The following GALNT13 variants were observed in gnomAD, a reference collection of about 807,000 sequenced individuals.
GALNT13 encodes polypeptide N-acetylgalactosaminyltransferase 13.
A neutral mutation model predicts 64.2 loss-of-function variants in GALNT13; 28 were observed. That is an observed-to-expected ratio of 0.44 (90% CI 0.32 to 0.60). The LOEUF is 0.60. GALNT13 is among the 20% of genes least tolerant of loss of function. The pLI, the probability that GALNT13 is intolerant of heterozygous loss-of-function variation, is 0.05. For missense variants in GALNT13, 577 were observed against 669.8 expected, an observed-to-expected ratio of 0.86 and a Z score of 1.53; for synonymous variants, 214 against 224.6, an observed-to-expected ratio of 0.95 and a Z score of 0.42.
chr2:153,559,489 T>A, the GALNT13 span, among the ~76,000 whole-genome samples: 1 of 152,114 alleles, frequency 6.6e-6, no homozygotes, highest in Non-Finnish European at 1.5e-5. Flanking sequence ...ATAATTATAG[T>A]AATGTATATA....
the GALNT13 span, among the ~76,000 whole-genome samples, chr2:153,681,986 G>C: frequency 6.6e-6 from 1 of 151,672 alleles, no homozygotes; most frequent in Non-Finnish European, 1.5e-5. Context: ...AGCATAGATG[G>C]TGTGAATCTT....
At chr2:153,583,552 G>A in the GALNT13 span, among the ~76,000 whole-genome samples, 4 of 152,178 alleles carry the variant, frequency 2.6e-5, no homozygotes, top group South Asian at 8.3e-4. Flanking sequence ...GGGAGAGGGT[G>A]AATGAATGCC....
intron 3 of GALNT13, among the ~76,000 whole-genome samples, chr2:153,976,280 A>G (rs1249412386): frequency 6.6e-6 from 1 of 152,074 alleles, no homozygotes; most frequent in South Asian, 2.1e-4. Flanking sequence ...TAATTAATCA[A>G]TCTGCTTTAC....
the GALNT13 span, among the ~76,000 whole-genome samples, chr2:153,844,133 C>G: frequency 1.3e-5 from 2 of 152,290 alleles, no homozygotes; most frequent in South Asian, 4.1e-4. Context: ...GGGCTCCAAT[C>G]CCACATGTCC....
At chr2:153,305,074 A>G in the GALNT13 span, among the ~76,000 whole-genome samples, 4 of 152,162 alleles carry the variant, frequency 2.6e-5, no homozygotes, top group Middle Eastern at 6.3e-3. Flanking sequence ...GCATTCAAAA[A>G]TATATTTGTT....
the GALNT13 span, among the ~76,000 whole-genome samples, chr2:153,449,182 G>T: frequency 6.6e-6 from 1 of 152,206 alleles, no homozygotes; most frequent in Non-Finnish European, 1.5e-5. Flanking sequence ...CTTGATCTTG[G>T]ACTTCTAGCC....
chr2:153,081,539 A>G, the GALNT13 span, among the ~76,000 whole-genome samples: 1 of 152,110 alleles, frequency 6.6e-6, no homozygotes, highest in African/African-American at 2.4e-5. Flanking sequence ...AGCTTCTGGT[A>G]ACCATCCTTC....
chr2:153,994,521 A>G (rs888606076), intron 3 of GALNT13, among the ~76,000 whole-genome samples: 2 of 152,190 alleles, frequency 1.3e-5, no homozygotes, highest in East Asian at 3.9e-4. Context: ...GAACTAGTTT[A>G]CAGTCCCACC....
chr2:153,570,685 T>G, the GALNT13 span, among the ~76,000 whole-genome samples: 1 of 152,174 alleles, frequency 6.6e-6, no homozygotes, highest in African/African-American at 2.4e-5. Context: ...GGATATCTAG[T>G]TTCCCCAGCA....
intron 9 of GALNT13, among the ~76,000 whole-genome samples, chr2:154,347,830 C>A (rs1696156967): frequency 6.6e-6 from 1 of 152,120 alleles, no homozygotes; most frequent in Admixed American, 6.6e-5. Flanking sequence ...CTATGAGGGA[C>A]TAAGTAACAT....
At chr2:154,306,990 TA>T (rs961136990) in intron 9 of GALNT13, among the ~76,000 whole-genome samples, 7 of 148,502 alleles carry the variant, frequency 4.7e-5, no homozygotes, top group South Asian at 2.1e-4. Flanking sequence ...AAAGGGCTGT[TA>T]TTTTTTTTTT....
At chr2:153,478,181 C>T in the GALNT13 span, 5 of 1,435,616 alleles carry the variant, frequency 3.5e-6, no homozygotes, top group East Asian at 2.3e-5. Context: ...GGGGCACAGC[C>T]GGGCTAGCAA....
chr2:154,196,725 A>C (rs1371950119), intron 4 of GALNT13, among the ~76,000 whole-genome samples: 3 of 152,222 alleles, frequency 2.0e-5, no homozygotes, highest in Admixed American at 2.0e-4. Context: ...ACCATGTTTC[A>C]ATAGTCACAA....
the GALNT13 span, among the ~76,000 whole-genome samples, chr2:153,229,139 A>G: frequency 7.9e-5 from 12 of 152,186 alleles, no homozygotes; most frequent in Admixed American, 6.5e-4. Flanking sequence ...ACTAGCAAAC[A>G]TAGCTTTCAT....
intron 11 of GALNT13, among the ~76,000 whole-genome samples, chr2:154,417,104 T>G (rs2105412638): frequency 6.6e-6 from 1 of 152,172 alleles, no homozygotes; most frequent in Admixed American, 6.6e-5. Flanking sequence ...TTTCTTCCAT[T>G]AATAACTCAG....
At chr2:154,078,356 GTTC>G (rs1050539538) in intron 3 of GALNT13, among the ~76,000 whole-genome samples, 5 of 151,380 alleles carry the variant, frequency 3.3e-5, no homozygotes, top group African/African-American at 1.2e-4. Flanking sequence ...TTAAAATTAT[GTTC>G]TTATTGTATA....
the GALNT13 span, among the ~76,000 whole-genome samples, chr2:153,538,473 G>T: frequency 8.3e-6 from 1 of 120,868 alleles, no homozygotes; most frequent in Admixed American, 8.8e-5. Context: ...CATGTGCCAT[G>T]CTGGTGCGCT....
At chr2:153,941,456 G>A (rs1424050322) in intron 2 of GALNT13, among the ~76,000 whole-genome samples, 1 of 152,160 alleles carries the variant, frequency 6.6e-6, no homozygotes, top group Admixed American at 6.6e-5. Flanking sequence ...CATGCAAGTT[G>A]CTCATGCACT....
chr2:153,192,403 C>T, the GALNT13 span, among the ~76,000 whole-genome samples: 5 of 151,964 alleles, frequency 3.3e-5, no homozygotes, highest in East Asian at 1.9e-4. Flanking sequence ...GAGAGATACT[C>T]GATTTCAATT....
Sources: allele counts gnomAD v4.1 joint callset (sites outside exome capture counted in the v4.1 genomes callset), GRCh38; gene constraint gnomAD v4.1.1; transcripts MANE v1.5; gene names NCBI Gene and HGNC (gene_info 2026-07-23, HGNC 2026-07-21).